The following NUDCD1 variants were observed in gnomAD, a reference collection of about 807,000 sequenced individuals.
The protein encoded by NUDCD1 is nudC domain-containing protein 1.
A neutral mutation model predicts 67.8 loss-of-function variants in NUDCD1; 60 were observed. The observed-to-expected ratio is 0.88, with a 90% CI of 0.72 to 1.10. NUDCD1 has a LOEUF of 1.10. NUDCD1 is among the 50% of genes least tolerant of loss of function. The pLI, the probability that NUDCD1 is intolerant of heterozygous loss-of-function variation, is 0.00. For missense variants in NUDCD1, 643 were observed against 695.0 expected, an observed-to-expected ratio of 0.93 and a Z score of 0.84; for synonymous variants, 244 against 230.8, an observed-to-expected ratio of 1.06 and a Z score of -0.52.
At chr8:109,275,600 C>T in intron 6 of NUDCD1, 104 bp from the exon 7 acceptor site, 1 of 1,098,292 alleles carries the variant, frequency 9.1e-7, no homozygotes, top group Non-Finnish European at 1.3e-6. Flanking sequence ...AAAGAACCCT[C>T]CGGTGTCCAG....
chr8:109,271,969 GAA>G (rs916894473), intron 7 of NUDCD1, among the ~76,000 whole-genome samples: 14 of 151,994 alleles, frequency 9.2e-5, no homozygotes, highest in Non-Finnish European at 1.6e-4. Flanking sequence ...GAAAAGGGAA[GAA>G]AAGAGAAATA....
chr8:109,333,680 C>A (rs529370787), intron 1 of NUDCD1, among the ~76,000 whole-genome samples: 2 of 152,316 alleles, frequency 1.3e-5, no homozygotes, highest in South Asian at 4.1e-4. Context: ...GGAGGGGGCC[C>A]AGGGTCCCGT....
intron 8 of NUDCD1, among the ~76,000 whole-genome samples, chr8:109,253,661 G>A (rs1240036631): frequency 6.6e-6 from 1 of 152,128 alleles, no homozygotes; most frequent in African/African-American, 2.4e-5. Context: ...CTTCCAAAAC[G>A]ATTGTACTTC....
intron 6 of NUDCD1, among the ~76,000 whole-genome samples, chr8:109,275,882 T>TA (rs1814274654): frequency 6.6e-6 from 1 of 151,546 alleles, no homozygotes; most frequent in Non-Finnish European, 1.5e-5. Flanking sequence ...AAGCAAAGAG[T>TA]AAAAGGGCTG....
intron 7 of NUDCD1, among the ~76,000 whole-genome samples, chr8:109,274,792 A>T (rs1289688105): frequency 1.3e-5 from 2 of 152,154 alleles, no homozygotes; most frequent in Non-Finnish European, 2.9e-5. Flanking sequence ...CATAATTTCA[A>T]GTTCTGATGT....
chr8:109,330,971 G>A (rs1563688448), intron 1 of NUDCD1, among the ~76,000 whole-genome samples: 1 of 152,030 alleles, frequency 6.6e-6, no homozygotes, highest in African/African-American at 2.4e-5. Context: ...GTTGACGGGT[G>A]CAGCAAACCA....
chr8:109,266,815 CT>C (rs1327309381), intron 8 of NUDCD1, among the ~76,000 whole-genome samples: 5 of 151,984 alleles, frequency 3.3e-5, no homozygotes, highest in Non-Finnish European at 7.4e-5. Flanking sequence ...TTTAATATTT[CT>C]TTTATTGTGC....
chr8:109,252,875 C>T (rs1019041246), intron 8 of NUDCD1, among the ~76,000 whole-genome samples: 2 of 152,170 alleles, frequency 1.3e-5, no homozygotes, highest in Non-Finnish European at 2.9e-5. Context: ...GACAATCTTT[C>T]CAACTTTCTA....
intron 2 of NUDCD1, among the ~76,000 whole-genome samples, chr8:109,307,352 T>C (rs1395636609): frequency 6.6e-6 from 1 of 152,236 alleles, no homozygotes; most frequent in Admixed American, 6.5e-5. Context: ...CACCACCCTT[T>C]GCTGACTCCT....
chr8:109,248,400 A>C (rs564330809), intron 8 of NUDCD1, among the ~76,000 whole-genome samples: 6 of 152,348 alleles, frequency 3.9e-5, no homozygotes, highest in South Asian at 4.1e-4. Context: ...CTTAGGAACT[A>C]GAAGTCTGCC....
At chr8:109,275,940 T>C (rs1274002087) in intron 6 of NUDCD1, among the ~76,000 whole-genome samples, 1 of 152,106 alleles carries the variant, frequency 6.6e-6, no homozygotes, top group African/African-American at 2.4e-5. Flanking sequence ...TTAACTTTAT[T>C]TTCACAAACT....
intron 8 of NUDCD1, among the ~76,000 whole-genome samples, 175 bp downstream of exon 8, chr8:109,270,830 T>A (rs1814135215): frequency 6.6e-6 from 1 of 152,146 alleles, no homozygotes; most frequent in Non-Finnish European, 1.5e-5. Flanking sequence ...GTACCAAAAC[T>A]ATACAACACT....
At chr8:109,283,985 G>A (rs1373165278) in intron 5 of NUDCD1, among the ~76,000 whole-genome samples, 1 of 120,002 alleles carries the variant, frequency 8.3e-6, no homozygotes. Context: ...GTAGAAAGCT[G>A]GATTAAAAAA....
intron 2 of NUDCD1, among the ~76,000 whole-genome samples, chr8:109,310,176 AAAG>A (rs1815208933): frequency 6.6e-6 from 1 of 152,226 alleles, no homozygotes; most frequent in South Asian, 2.1e-4. Context: ...GACTAAGTTA[AAAG>A]AACAAATATG....
chr8:109,264,365 A>G (rs1813941073), intron 8 of NUDCD1, among the ~76,000 whole-genome samples: 2 of 152,204 alleles, frequency 1.3e-5, no homozygotes, highest in African/African-American at 4.8e-5. Context: ...ATTTATCACC[A>G]TGAGGATAAT....
chr8:109,252,367 C>T (rs1813641069), intron 8 of NUDCD1, among the ~76,000 whole-genome samples: 1 of 152,062 alleles, frequency 6.6e-6, no homozygotes, highest in South Asian at 2.1e-4. Context: ...TTTATCTTTT[C>T]CTCTAGCTGC....
In NUDCD1 at chr8:109,309,263, T is replaced by C. The variant is rs1416719392; in HGVS notation, c.274-12694A>G. ...AACATATCAAAAAGATAATCCACCA[T>C]GATCAAGTGGGTTTCATACCACAGA... is the stretch of plus-strand genomic sequence containing the variant. On this transcript the variant is annotated intron_variant, in intron 2 of 9. Transcript: ENST00000239690. 2.0e-5 allele frequency among the ~76,000 whole-genome samples: 3 copies of C among 152,196 alleles called. No homozygotes were observed. In the East Asian group the frequency reaches 5.8e-4, roughly 29 times the overall value.
intron 1 of NUDCD1, among the ~76,000 whole-genome samples, chr8:109,325,935 T>C (rs1160576644): frequency 1.3e-5 from 2 of 152,166 alleles, no homozygotes; most frequent in African/African-American, 4.8e-5. Context: ...AAAATCCAAT[T>C]ATGATAGATT....
intron 8 of NUDCD1, among the ~76,000 whole-genome samples, chr8:109,269,602 A>G (rs548300420): frequency 6.6e-6 from 1 of 152,232 alleles, no homozygotes; most frequent in South Asian, 2.1e-4. Context: ...CCAAATCTCT[A>G]CGTGACAAAG....
Sources: allele counts gnomAD v4.1 joint callset (sites outside exome capture counted in the v4.1 genomes callset), GRCh38; gene constraint gnomAD v4.1.1; transcripts MANE v1.5; gene names NCBI Gene and HGNC (gene_info 2026-07-23, HGNC 2026-07-21).